Variants in DOCK3 observed in about 807,000 individuals in gnomAD.
The protein encoded by DOCK3 is dedicator of cytokinesis 3.
In DOCK3, 60 loss-of-function variants were observed where a neutral mutation model predicts 265.6. The ratio of observed to expected loss-of-function variants is 0.23; its 90% CI spans 0.18 to 0.28. The LOEUF (loss-of-function observed/expected upper bound fraction) is 0.28. DOCK3 is among the 10% of genes least tolerant of loss of function. DOCK3 has a pLI of 1.00. For synonymous variants in DOCK3, 881 were observed against 938.0 expected (o/e 0.94, Z 1.11); for missense variants, 1,981 against 2,594.3 (o/e 0.76, Z 5.14).
At chr3:51,119,923 G>T (rs922747250) in intron 9 of DOCK3, among the ~76,000 whole-genome samples, 1 of 151,908 alleles carries the variant, frequency 6.6e-6, no homozygotes, top group African/African-American at 2.4e-5. Context: ...CCTTTAGCTT[G>T]GAGGAGTTTG....
intron 34 of DOCK3, 31 bp from the exon 35 acceptor site, chr3:51,333,127 G>T: frequency 6.2e-7 from 1 of 1,613,926 alleles, no homozygotes; most frequent in Non-Finnish European, 8.5e-7. Context: ...CTCATGAATT[G>T]TGTTTGCTTT....
At chr3:51,268,929 A>G (rs918534226) in intron 23 of DOCK3, among the ~76,000 whole-genome samples, 3 of 152,222 alleles carry the variant, frequency 2.0e-5, no homozygotes, top group Admixed American at 2.0e-4. Context: ...TAGCAAAGCA[A>G]TGCAGATATG....
intron 26 of DOCK3, among the ~76,000 whole-genome samples, chr3:51,278,718 T>C (rs1460278331): frequency 6.6e-6 from 1 of 152,160 alleles, no homozygotes; most frequent in African/African-American, 2.4e-5. Context: ...TTTAAGCACT[T>C]GTCCAATATT....
intron 12 of DOCK3, among the ~76,000 whole-genome samples, chr3:51,190,818 G>A (rs1024687987): frequency 6.6e-6 from 1 of 152,150 alleles, no homozygotes; most frequent in Admixed American, 6.5e-5. Context: ...AGCTGGGTCA[G>A]GTAGGTCCAC....
chr3:50,978,932 C>T (rs2077585410), intron 5 of DOCK3, among the ~76,000 whole-genome samples: 1 of 152,192 alleles, frequency 6.6e-6, no homozygotes, highest in Non-Finnish European at 1.5e-5. Flanking sequence ...TCACCCCTTT[C>T]TTTGACTAGG....
At chr3:51,309,116 A>T (rs1006183878) in intron 27 of DOCK3, among the ~76,000 whole-genome samples, 26 of 150,370 alleles carry the variant, frequency 1.7e-4, no homozygotes, top group Non-Finnish European at 3.7e-4. Flanking sequence ...AGCCAGGCAG[A>T]GGGGCTCCTC....
At chr3:50,749,799 A>G (rs1326029715) in intron 1 of DOCK3, among the ~76,000 whole-genome samples, 2 of 152,124 alleles carry the variant, frequency 1.3e-5, no homozygotes, top group African/African-American at 2.4e-5. Flanking sequence ...TACAAACATC[A>G]TTTCAGATGC....
rs939436467 is a variant in DOCK3 at position 51,374,929 on chromosome 3, G to A, written c.5412+342G>A. Among the ~76,000 whole-genome samples the A allele has an allele frequency of 6.6e-6, 1 of 152,216 alleles. No homozygotes were observed. Among genetic ancestry groups the A allele is most frequent in the African/African-American group, 2.4e-5 (1 of 41,434 alleles). On this transcript the variant is annotated intron_variant, in intron 50 of 52. Coordinates refer to ENST00000266037, the MANE Select transcript of DOCK3 (RefSeq NM_004947.5). The surrounding 1 kb of genome is among the most constrained non-coding windows in gnomAD (Gnocchi z 4.8). The stretch of plus-strand genomic sequence containing the variant: ...TGCAGCCTGTTCTGAGAAGGCAGTG[G>A]TGGACACATTGGTCTGGAAGATGTT...
Position 51,381,582 on chromosome 3 carries a change from G to C in DOCK3, c.*23G>C. Reference sequence around the variant, plus strand: ...TGAGGGGCAACGAGGCGGCTGGGATGCCGCCCTCAGTAAGCAGCTTGCCAA... The same window carrying C: ...TGAGGGGCAACGAGGCGGCTGGGATCCCGCCCTCAGTAAGCAGCTTGCCAA... On this transcript the variant is annotated 3_prime_UTR_variant, in exon 53 of 53. Coordinates refer to ENST00000266037, the MANE Select transcript of DOCK3 (RefSeq NM_004947.5). This position sits in a 1 kb window ranked among gnomAD's most constrained non-coding sequence, Gnocchi z 5.6. 1 of 1,478,672 alleles carries C rather than the reference G, an allele frequency of 6.8e-7. No homozygotes were observed. The highest frequency in any genetic ancestry group is 8.9e-7 in the Non-Finnish European group (1 of 1,120,028). The allele number at this position is 1,478,672 out of a possible 1,614,324, so 91.6% of individuals were successfully genotyped here. A position where few individuals can be genotyped will look rare whatever the true frequency, so the allele number is the denominator to read the frequency against.
intron 3 of DOCK3, among the ~76,000 whole-genome samples, chr3:50,844,845 T>A (rs2046005007): frequency 6.6e-6 from 1 of 152,220 alleles, no homozygotes; most frequent in South Asian, 2.1e-4. Context: ...TTTATAATTT[T>A]AGAGACCAAA....
At chr3:51,124,335 G>A (rs567411886) in intron 9 of DOCK3, among the ~76,000 whole-genome samples, 16 of 152,288 alleles carry the variant, frequency 1.1e-4, no homozygotes, top group African/African-American at 3.6e-4. Context: ...TATATGGGGG[G>A]CATTATGGTA....
At chr3:50,844,297 T>A (rs2045979572) in intron 3 of DOCK3, among the ~76,000 whole-genome samples, 1 of 152,170 alleles carries the variant, frequency 6.6e-6, no homozygotes, top group African/African-American at 2.4e-5. Context: ...CTCACTATAG[T>A]CTCGAACTCG....
rs1553618436 is a variant in DOCK3, at chr3:51,381,157, T to C, written c.5691T>C (p.Ser1897=). 6.2e-7 allele frequency: 1 copy of C among 1,613,756 alleles called. No homozygotes were observed. Among genetic ancestry groups the C allele is most frequent in the Admixed American group, 1.7e-5 (1 of 60,002 alleles). The change falls in exon 53 of 53, where the codon AGT becomes AGC. Residue 1897 remains serine, a synonymous_variant. Transcript: ENST00000266037. The surrounding 1 kb of genome is among the most constrained non-coding windows in gnomAD (Gnocchi z 5.6). The part of the protein sequence containing the change: ...GSASSGVSSL[S]ESNFGHSSEA... ...CCAGCAGCGGCGTGTCCTCCTTGAG[T>C]GAGAGTAACTTTGGGCACTCCTCGG... is the stretch of plus-strand genomic sequence containing the variant.
chr3:51,047,022 A>G (rs368641262), intron 5 of DOCK3, among the ~76,000 whole-genome samples: 2 of 152,180 alleles, frequency 1.3e-5, no homozygotes, highest in East Asian at 3.8e-4. Flanking sequence ...ACCAAAATGT[A>G]TAGGATGCAG....
In DOCK3 at chr3:50,868,901, G is replaced by GTTTTTTT. The variant is rs147898866; in HGVS notation, c.163-21106_163-21100dup. Among the ~76,000 whole-genome samples, 13 of 14,292 alleles carry GTTTTTTT rather than the reference G, an allele frequency of 9.1e-4. 1 individual carries two copies. The highest frequency in any genetic ancestry group is 1.9e-3 in the African/African-American group (8 of 4,146). The allele number at this position is 14,292 out of a possible 152,430, so 9.4% of individuals were successfully genotyped here. The stretch of plus-strand genomic sequence containing the variant: ...CTGATTTTATTTATTTGGATAATCT[G>GTTTTTTT]TTTTTTTTTTTTTTTTTTTTTTTTT... On this transcript the variant is annotated intron_variant, in intron 3 of 52. Transcript: ENST00000266037.
chr3:50,980,844 CTTTT>C (rs896457775), intron 5 of DOCK3, among the ~76,000 whole-genome samples: 1 of 151,498 alleles, frequency 6.6e-6, no homozygotes, highest in Non-Finnish European at 1.5e-5. Flanking sequence ...GGTCTTCTCT[CTTTT>C]TTTTGGTTAG....
chr3:51,270,291 A>T (rs2080428624), intron 23 of DOCK3, among the ~76,000 whole-genome samples: 1 of 152,180 alleles, frequency 6.6e-6, no homozygotes, highest in Admixed American at 6.5e-5. Context: ...TTCATATTTC[A>T]TGGTTGCAAA....
chr3:50,739,815 A>T (rs2038897113), intron 1 of DOCK3, among the ~76,000 whole-genome samples: 1 of 152,136 alleles, frequency 6.6e-6, no homozygotes, highest in African/African-American at 2.4e-5. Context: ...TCGATTGGCA[A>T]CTATACCTGT....
At chr3:50,695,387 G>A (rs1224813171) in intron 1 of DOCK3, among the ~76,000 whole-genome samples, 7 of 152,168 alleles carry the variant, frequency 4.6e-5, no homozygotes, top group African/African-American at 1.7e-4. Flanking sequence ...CAAGAAAAAT[G>A]AAACAAAGAG....
Sources: allele counts gnomAD v4.1 joint callset (sites outside exome capture counted in the v4.1 genomes callset), GRCh38; gene constraint gnomAD v4.1.1; non-coding constraint Gnocchi (gnomAD v3.1); transcripts MANE v1.5; gene names NCBI Gene and HGNC (gene_info 2026-07-23, HGNC 2026-07-21).